Variants in GALNT13 observed in about 807,000 individuals in gnomAD.
GALNT13 encodes the protein UDP-GalNAc:polypeptide N-acetylgalactosaminyltransferase 13.
A neutral mutation model predicts 64.2 loss-of-function variants in GALNT13; 28 were observed. That is an observed-to-expected ratio of 0.44 (90% confidence interval 0.32 to 0.60). The LOEUF is 0.60. Among genes scored for constraint, GALNT13 ranks in the 20% least tolerant of loss-of-function variants. The pLI, the probability that GALNT13 is intolerant of heterozygous loss-of-function variation, is 0.05. For missense variants in GALNT13, 577 were observed against 669.8 expected (o/e 0.86, Z 1.53); for synonymous variants, 214 against 224.6 (o/e 0.95, Z 0.42).
the GALNT13 span, among the ~76,000 whole-genome samples, chr2:153,448,169 A>G: frequency 2.0e-5 from 3 of 152,160 alleles, no homozygotes; most frequent in East Asian, 5.8e-4. Flanking sequence ...TGGATAAAAG[A>G]CTTATCCTTT....
the GALNT13 span, among the ~76,000 whole-genome samples, chr2:153,295,373 G>A: frequency 0.82 from 125,134 of 152,046 alleles, 52,752 homozygotes; most frequent in African/African-American, 0.91. Context: ...ATGTTAAATC[G>A]TTTATCTCAC....
At chr2:153,143,950 C>T in the GALNT13 span, among the ~76,000 whole-genome samples, 1 of 151,938 alleles carries the variant, frequency 6.6e-6, no homozygotes, top group Non-Finnish European at 1.5e-5. Flanking sequence ...TTCTTAGCAT[C>T]CTCACCCTAG....
At chr2:154,145,104 A>ATC (rs1558984611) in intron 4 of GALNT13, among the ~76,000 whole-genome samples, 12 of 128,728 alleles carry the variant, frequency 9.3e-5, no homozygotes, top group African/African-American at 1.6e-4. Context: ...ATCTATCTAT[A>ATC]TATATATATA....
chr2:154,087,293 T>TTTTTTTTA (rs1465369634), intron 3 of GALNT13, among the ~76,000 whole-genome samples: 1 of 152,094 alleles, frequency 6.6e-6, no homozygotes, highest in East Asian at 1.9e-4. Flanking sequence ...GTAAACAGTA[T>TTTTTTTTA]GGTACATATT....
the GALNT13 span, among the ~76,000 whole-genome samples, chr2:153,860,349 T>C: frequency 6.6e-6 from 1 of 152,230 alleles, no homozygotes; most frequent in Non-Finnish European, 1.5e-5. Context: ...TAGGACATCC[T>C]TGTACTTGCC....
the GALNT13 span, among the ~76,000 whole-genome samples, chr2:153,655,067 T>G: frequency 6.6e-6 from 1 of 152,164 alleles, no homozygotes; most frequent in African/African-American, 2.4e-5. Flanking sequence ...ATTATCAATT[T>G]TGATCAACTT....
At chr2:153,192,074 T>C in the GALNT13 span, among the ~76,000 whole-genome samples, 2 of 151,984 alleles carry the variant, frequency 1.3e-5, no homozygotes, top group East Asian at 1.9e-4. Context: ...TTATTATTTC[T>C]TTAATAATTT....
At chr2:153,400,416 G>A in the GALNT13 span, among the ~76,000 whole-genome samples, 1 of 152,144 alleles carries the variant, frequency 6.6e-6, no homozygotes, top group Non-Finnish European at 1.5e-5. Flanking sequence ...CCTGGCTTTG[G>A]TATCAGAATG....
At chr2:153,298,564 G>C in the GALNT13 span, among the ~76,000 whole-genome samples, 2 of 152,168 alleles carry the variant, frequency 1.3e-5, no homozygotes, top group Admixed American at 1.3e-4. Flanking sequence ...TGCTAGTACA[G>C]CTTCTCACAT....
At chr2:153,844,873 G>C in the GALNT13 span, among the ~76,000 whole-genome samples, 1 of 152,186 alleles carries the variant, frequency 6.6e-6, no homozygotes, top group African/African-American at 2.4e-5. Context: ...CCCTAGGCAT[G>C]AACACAGTGC....
At chr2:153,539,196 A>C in the GALNT13 span, among the ~76,000 whole-genome samples, 1 of 151,928 alleles carries the variant, frequency 6.6e-6, no homozygotes, top group Non-Finnish European at 1.5e-5. Context: ...TCTTCTTTTG[A>C]GAAGTGTCTG....
chr2:153,617,306 A>G, the GALNT13 span, among the ~76,000 whole-genome samples: 3 of 152,022 alleles, frequency 2.0e-5, no homozygotes, highest in Non-Finnish European at 2.9e-5. Context: ...GCTTTTCAGC[A>G]TCTGTTGAAA....
intron 8 of GALNT13, among the ~76,000 whole-genome samples, chr2:154,266,523 A>T (rs532818269): frequency 5.0e-4 from 76 of 152,218 alleles, no homozygotes; most frequent in African/African-American, 1.7e-3. Flanking sequence ...TAATGTAAAA[A>T]ATATGAAAAA....
intron 9 of GALNT13, among the ~76,000 whole-genome samples, chr2:154,383,999 A>G (rs1007189197): frequency 2.6e-5 from 4 of 151,908 alleles, no homozygotes; most frequent in Non-Finnish European, 5.9e-5. Flanking sequence ...GAGAATGTCT[A>G]CTGACACCAG....
the GALNT13 span, among the ~76,000 whole-genome samples, chr2:153,807,020 G>A: frequency 6.6e-6 from 1 of 151,994 alleles, no homozygotes; most frequent in Non-Finnish European, 1.5e-5. Flanking sequence ...GAAGGAATAG[G>A]GTTTCGGAGG....
intron 3 of GALNT13, among the ~76,000 whole-genome samples, chr2:153,960,427 C>T (rs1692865454): frequency 6.6e-6 from 1 of 152,240 alleles, no homozygotes; most frequent in South Asian, 2.1e-4. Flanking sequence ...ATTGAACAGA[C>T]AGTGTTACAG....
chr2:153,631,108 G>A, the GALNT13 span, among the ~76,000 whole-genome samples: 3 of 151,578 alleles, frequency 2.0e-5, no homozygotes, highest in Non-Finnish European at 4.4e-5. Flanking sequence ...ATGGTTTCCA[G>A]CTTCATCCAT....
At chr2:153,396,127 A>G in the GALNT13 span, among the ~76,000 whole-genome samples, 2 of 152,096 alleles carry the variant, frequency 1.3e-5, no homozygotes, top group Non-Finnish European at 2.9e-5. Flanking sequence ...GGCAACCCCT[A>G]TGATAGACCA....
intron 9 of GALNT13, among the ~76,000 whole-genome samples, chr2:154,352,964 G>T (rs1170609372): frequency 1.3e-5 from 2 of 152,138 alleles, no homozygotes; most frequent in Non-Finnish European, 2.9e-5. Context: ...CTGGAGTCTA[G>T]CTTTGACAGT....
Sources: allele counts gnomAD v4.1 joint callset (sites outside exome capture counted in the v4.1 genomes callset), GRCh38; gene constraint gnomAD v4.1.1; transcripts MANE v1.5; gene names NCBI Gene and HGNC (gene_info 2026-07-23, HGNC 2026-07-21).